The following ANK2 variants were observed in gnomAD, a reference collection of about 807,000 sequenced individuals.
The protein encoded by ANK2 is ankyrin 2.
ANK2 carries 83 observed loss-of-function variants against 360.5 expected under a neutral mutation model. The ratio of observed to expected loss-of-function variants is 0.23; its 90% CI spans 0.19 to 0.28. The LOEUF (loss-of-function observed/expected upper bound fraction) is 0.28. ANK2 is among the 10% of genes least tolerant of loss of function. ANK2 has a pLI of 1.00. For missense variants in ANK2, 4,201 were observed against 4,795.7 expected (o/e 0.88, Z 3.66); for synonymous variants, 1,740 against 1,759.5 (o/e 0.99, Z 0.28).
At chr4:112,745,732 C>T in the ANK2 span, among the ~76,000 whole-genome samples, 25 of 152,184 alleles carry the variant, frequency 1.6e-4, no homozygotes, top group East Asian at 3.9e-3. Context: ...GGGGTTTCTC[C>T]ATCTTGGTCA....
At position 113,255,917 on chromosome 4, in the gene ANK2, G is replaced by A. The variant is rs755621902; in HGVS notation, c.1173G>A (p.Pro391=). Residue 391 remains proline, a synonymous_variant, in exon 11 of 46, where the codon CCG becomes CCA. Coordinates refer to ENST00000357077, the MANE Select transcript of ANK2 (RefSeq NM_001148.6). The part of the protein sequence containing the change: ...TKLLLDKRAN[P]NARALNGFTP... The stretch of plus-strand genomic sequence containing the variant: ...TCCTTTTAGACAAGAGAGCCAATCC[G>A]AACGCCAGAGCCCTGGTAAACTTGG... 26 of 1,614,004 alleles carry A rather than the reference G, an allele frequency of 1.6e-5. No homozygotes were observed. The highest frequency in any genetic ancestry group is 3.3e-5 in the South Asian group (3 of 91,050).
At position 113,240,928 on chromosome 4, in the gene ANK2, A is replaced by G. The variant is rs2285708; in HGVS notation, c.792+345A>G. 3.3e-5 allele frequency among the ~76,000 whole-genome samples: 5 copies of G among 152,340 alleles called. No individual in the cohort carries two copies. In the East Asian group the frequency reaches 9.6e-4, roughly 29 times the overall value. On this transcript the variant is annotated intron_variant, in intron 8 of 45. Transcript: ENST00000357077. ...TGTTAAAATGTTAACTATAAAATAT[A>G]TAAGTAGCATGTCTTATGATGACTG...
chr4:113,036,716 T>C (rs749517833), intron 2 of ANK2, among the ~76,000 whole-genome samples: 36 of 151,764 alleles, frequency 2.4e-4, no homozygotes, highest in Admixed American at 5.9e-4. Context: ...TAATGTTCTG[T>C]AGATTTCTTG....
At chr4:113,317,488 C>T in intron 24 of ANK2, 1 of 587,524 alleles carries the variant, frequency 1.7e-6, no homozygotes, top group Admixed American at 2.6e-5. Context: ...CTTCTGGATT[C>T]CCTTGTGCTC....
Position 113,356,179 on chromosome 4 carries a change from A to C in ANK2, c.7561A>C (p.Ser2521Arg), listed in dbSNP as rs776531245. 22 of 1,614,020 alleles carry C rather than the reference A, an allele frequency of 1.4e-5. No homozygotes were observed. The highest frequency in any genetic ancestry group is 1.8e-5 in the Non-Finnish European group (21 of 1,179,976). ...RDPDGSAEDD[S>R]LEQTSLMESS... ...CCCTGATGGCAGTGCTGAGGATGAC[A>C]GTCTTGAGCAGACATCGCTCATGGA... Residue 2521 changes from serine (S) to arginine (R), a missense_variant, in exon 38 of 46, where the codon AGT becomes CGT. Physicochemically the swap from Ser to Arg is moderately radical, Grantham distance 110. This residue lies in a region of ANK2 where 2,642 missense variants were observed against 2,714.5 expected (regional missense o/e 0.97). Coordinates refer to ENST00000357077, the MANE Select transcript of ANK2 (RefSeq NM_001148.6).
At chr4:113,053,541 T>G (rs1397259333) in intron 1 of ANK2, among the ~76,000 whole-genome samples, 1 of 152,172 alleles carries the variant, frequency 6.6e-6, no homozygotes, top group Non-Finnish European at 1.5e-5. Context: ...CTATGTGAAA[T>G]GTATCCGTGT....
chr4:113,135,320 C>T (rs753756824), intron 1 of ANK2, among the ~76,000 whole-genome samples: 20 of 151,576 alleles, frequency 1.3e-4, no homozygotes, highest in Non-Finnish European at 2.5e-4. Context: ...GATGGCCACA[C>T]AGAGGTGACA....
rs1420943053 is a variant in ANK2 at position 113,358,987 on chromosome 4, A to G, written c.10369A>G (p.Thr3457Ala). The change falls in exon 38 of 46, where the codon ACG (threonine) becomes GCG (alanine). Residue 3457 changes from threonine (T) to alanine (A), a missense_variant. Transcript: ENST00000357077. ...CACTACATCTTCCTGCAGGGGGGGC[A>G]CGAGCCCCACAAAAGAAAGTAAGGA... ...RSTTSSCRGG[T>A]SPTKESKEHF... 1 of 1,614,086 alleles carries G rather than the reference A, an allele frequency of 6.2e-7. No homozygotes were observed. Among genetic ancestry groups the G allele is most frequent in the Admixed American group, 1.7e-5 (1 of 60,010 alleles).
chr4:113,051,058 G>A (rs920636179), intron 1 of ANK2, among the ~76,000 whole-genome samples: 2 of 152,060 alleles, frequency 1.3e-5, no homozygotes, highest in Admixed American at 1.3e-4. Flanking sequence ...ATAATTCAGG[G>A]CAAGCAGGAA....
intron 4 of ANK2, among the ~76,000 whole-genome samples, chr4:113,222,959 A>G (rs2099168320): frequency 6.6e-6 from 1 of 152,208 alleles, no homozygotes; most frequent in African/African-American, 2.4e-5. Context: ...ACAAGTATAT[A>G]ATCATATATT....
intron 19 of ANK2, 36 bp downstream of exon 19, chr4:113,287,739 T>TGGCTG: frequency 6.4e-7 from 1 of 1,553,560 alleles, no homozygotes; most frequent in Non-Finnish European, 8.9e-7. Context: ...TGACAGGTTC[T>TGGCTG]GGCTGGGATG....
Position 113,335,868 on chromosome 4 carries a change from A to G in ANK2, c.3402A>G (p.Leu1134=), listed in dbSNP as rs562110478. The change falls in exon 30 of 46, where the codon CTA becomes CTG. Residue 1134 remains leucine, a synonymous_variant. Transcript: ENST00000357077. ...TAGTACTGGATAGCCCAGAAGACCT[A>G]GAAAAGAAACGAATCTGCCGCATCA... ...MDEVLDSPED[L]EKKRICRIIT... 25 of 1,614,192 alleles carry G rather than the reference A, an allele frequency of 1.5e-5. No homozygotes were observed. The highest frequency in any genetic ancestry group is 7.7e-5 in the South Asian group (7 of 91,080).
At chr4:113,054,619 T>G (rs2068680501) in intron 1 of ANK2, among the ~76,000 whole-genome samples, 1 of 152,278 alleles carries the variant, frequency 6.6e-6, no homozygotes, top group Non-Finnish European at 1.5e-5. Context: ...CATGTATAAT[T>G]TATTCTGAAT....
At chr4:112,957,159 C>A (rs547474007) in intron 2 of ANK2, among the ~76,000 whole-genome samples, 3 of 151,210 alleles carry the variant, frequency 2.0e-5, no homozygotes, top group South Asian at 2.1e-4. Context: ...GAGGACCCTG[C>A]GGCCTTCCGC....
chr4:113,023,097 A>G (rs1046541709), intron 2 of ANK2, among the ~76,000 whole-genome samples: 55 of 152,312 alleles, frequency 3.6e-4, no homozygotes, highest in African/African-American at 1.1e-3. Context: ...TAACAAACCT[A>G]CACGTCCTGC....
intron 1 of ANK2, among the ~76,000 whole-genome samples, chr4:112,870,914 A>G (rs780834632): frequency 4.6e-5 from 7 of 152,194 alleles, no homozygotes; most frequent in Non-Finnish European, 7.3e-5. Flanking sequence ...TCCAATACAT[A>G]AACATGGACT....
chr4:112,814,895 A>C (rs2055528231), upstream of ANK2, among the ~76,000 whole-genome samples: 1 of 152,218 alleles, frequency 6.6e-6, no homozygotes. Context: ...AAATAGTGGC[A>C]AAAGATCACT....
At chr4:113,348,152 A>G (rs1000988640) in intron 35 of ANK2, 124 bp from the exon 36 acceptor site, 8 of 913,318 alleles carry the variant, frequency 8.8e-6, no homozygotes, top group Admixed American at 3.9e-5. Context: ...GAGTATGTTG[A>G]CTGTATGCTT....
In ANK2 at chr4:113,293,545, A is replaced by T. The variant is rs1387947512; in HGVS notation, c.2475+7A>T. 1 of 1,607,688 alleles carries T rather than the reference A, an allele frequency of 6.2e-7. No individual in the cohort carries two copies. Among genetic ancestry groups the T allele is most frequent in the African/African-American group, 1.3e-5 (1 of 74,942 alleles). The stretch of plus-strand genomic sequence containing the variant: ...GGTCACCACCACCACCACAGTGAGT[A>T]TGAGTGACTGACTAGCTTCAGCCCT... On this transcript the variant is annotated splice_region_variant and intron_variant, in intron 22 of 45. Transcript: ENST00000357077.
Sources: gnomAD v4.1 joint callset for allele counts (sites outside exome capture counted in the v4.1 genomes callset) on GRCh38, gnomAD v4.1.1 for gene constraint, gnomAD v4.1.1 regional missense constraint, MANE v1.5 for transcripts, NCBI Gene and HGNC (gene_info 2026-07-23, HGNC 2026-07-21) for gene names.